DORIP1: variants seen among roughly 807,000 people sequenced by gnomAD.
DORIP1 encodes dopamine receptor-interacting protein 1.
At chr14:44,899,624 TTAATATAAAGA>T in the DORIP1 span, among the ~76,000 whole-genome samples, 1 of 152,010 alleles carries the variant, frequency 6.6e-6, no homozygotes, top group Non-Finnish European at 1.5e-5. Context: ...TGTAGTATAG[TTAATATAAAGA>T]TTATGTAATG....
chr14:44,906,899 T>C, the DORIP1 span: 1 of 152,102 alleles, frequency 6.6e-6, no homozygotes, highest in South Asian at 2.1e-4. Flanking sequence ...TTCTTGTTTA[T>C]ATATCAAACT....
At chr14:44,904,486 G>C in the DORIP1 span, 3 of 1,611,900 alleles carry the variant, frequency 1.9e-6, no homozygotes, top group Admixed American at 3.3e-5. Context: ...GAAATCTGAA[G>C]ATCTGGCGTA....
the DORIP1 span, chr14:44,905,544 G>T: frequency 5.9e-3 from 8,936 of 1,505,316 alleles, 445 homozygotes; most frequent in African/African-American, 0.11. Flanking sequence ...GAGCAACAGA[G>T]AAATAAATAT....
chr14:44,898,066 A>C, the DORIP1 span, among the ~76,000 whole-genome samples: 1 of 152,216 alleles, frequency 6.6e-6, no homozygotes, highest in Non-Finnish European at 1.5e-5. Flanking sequence ...AATAGAGGTC[A>C]GGAGAGTTTT....
the DORIP1 span, chr14:44,904,352 T>C: frequency 1.9e-6 from 3 of 1,575,478 alleles, no homozygotes; most frequent in South Asian, 1.2e-5. Flanking sequence ...AAAGCCAGCT[T>C]TGTCCCAAGT....
the DORIP1 span, chr14:44,904,683 G>C: frequency 3.5e-6 from 3 of 852,668 alleles, no homozygotes; most frequent in Admixed American, 1.1e-4. Context: ...ATTTATTACA[G>C]AGAGTCAGTT....
At chr14:44,900,542 A>C in the DORIP1 span, 2 of 1,607,724 alleles carry the variant, frequency 1.2e-6, no homozygotes, top group Non-Finnish European at 1.7e-6. Context: ...TTTACTATCA[A>C]AGCTGGCCGC....
the DORIP1 span, among the ~76,000 whole-genome samples, chr14:44,900,184 T>C: frequency 1.3e-5 from 2 of 152,106 alleles, no homozygotes; most frequent in African/African-American, 4.8e-5. Context: ...ATCTGCAATG[T>C]AATTAATATA....
chr14:44,900,305 T>C, the DORIP1 span: 1 of 800,222 alleles, frequency 1.2e-6, no homozygotes, highest in Non-Finnish European at 1.8e-6. Context: ...ATTTTTTTGC[T>C]ATGTTGGGAG....
At chr14:44,903,928 A>T in the DORIP1 span, 2 of 976,642 alleles carry the variant, frequency 2.0e-6, no homozygotes, top group Non-Finnish European at 2.4e-6. Context: ...GTTAATCAAG[A>T]TTTTACTGTA....
the DORIP1 span, among the ~76,000 whole-genome samples, chr14:44,899,738 C>T: frequency 6.6e-6 from 1 of 151,558 alleles, no homozygotes; most frequent in Non-Finnish European, 1.5e-5. Context: ...CAAGCACAGC[C>T]TGTATTTTGG....
At chr14:44,898,468 A>G in the DORIP1 span, among the ~76,000 whole-genome samples, 22 of 152,308 alleles carry the variant, frequency 1.4e-4, no homozygotes, top group Admixed American at 8.5e-4. Context: ...TTCCTTCCCA[A>G]TGCACTATTT....
the DORIP1 span, chr14:44,897,559 C>T: frequency 5.3e-6 from 1 of 188,112 alleles, no homozygotes; most frequent in South Asian, 8.6e-5. Context: ...AGTTTTCGGT[C>T]CCCAGGGAGG....
At chr14:44,904,051 AT>A in the DORIP1 span, 2 of 985,138 alleles carry the variant, frequency 2.0e-6, no homozygotes, top group Non-Finnish European at 2.4e-6. Context: ...TTAGAGTCAT[AT>A]TTTTCCCCTC....
the DORIP1 span, chr14:44,903,277 G>A: frequency 6.2e-7 from 1 of 1,612,964 alleles, no homozygotes; most frequent in Non-Finnish European, 8.5e-7. Flanking sequence ...TTCCAAGATT[G>A]AACTGTGTGA....
chr14:44,903,378 T>G, the DORIP1 span: 2 of 1,507,862 alleles, frequency 1.3e-6, no homozygotes, highest in South Asian at 2.5e-5. Flanking sequence ...TTGAAGTACT[T>G]TATGAATCTT....
chr14:44,903,915 C>CT, the DORIP1 span: 2 of 979,538 alleles, frequency 2.0e-6, no homozygotes, highest in African/African-American at 3.5e-5. Flanking sequence ...CCTGAGCATT[C>CT]CGGTTAATCA....
chr14:44,900,873 C>G, the DORIP1 span: 1 of 1,614,026 alleles, frequency 6.2e-7, no homozygotes, highest in Non-Finnish European at 8.5e-7. Flanking sequence ...TTGAAAATCT[C>G]ATGTCTACCA....
chr14:44,905,654 T>C, the DORIP1 span: 1 of 793,002 alleles, frequency 1.3e-6, no homozygotes, highest in East Asian at 2.7e-5. Context: ...AGTTCAACTA[T>C]ACTAGTTTCA....
Sources: gnomAD v4.1 joint callset for allele counts (sites outside exome capture counted in the v4.1 genomes callset) on GRCh38, gnomAD v4.1.1 for gene constraint, MANE v1.5 for transcripts, NCBI Gene and HGNC (gene_info 2026-07-23, HGNC 2026-07-21) for gene names.